BANP: variants seen among roughly 807,000 people sequenced by gnomAD.
The protein encoded by BANP is BTG3 associated nuclear protein.
Under a neutral mutation model 68.1 loss-of-function variants are expected in BANP, and 11 were observed. The ratio of observed to expected loss-of-function variants is 0.16; its 90% CI spans 0.10 to 0.27. BANP has a LOEUF of 0.27. BANP is among the 10% of genes least tolerant of loss of function. The probability of loss-of-function intolerance (pLI) is 1.00; values close to 1 mark genes in which losing one functional copy is unlikely to be tolerated. For missense variants in BANP, 504 were observed against 722.7 expected, an observed-to-expected ratio of 0.70 and a Z score of 3.47; for synonymous variants, 329 against 303.2, an observed-to-expected ratio of 1.09 and a Z score of -0.88.
intron 7 of BANP, among the ~76,000 whole-genome samples, chr16:88,021,738 A>T (rs1004054039): frequency 3.9e-5 from 6 of 152,198 alleles, no homozygotes; most frequent in Admixed American, 1.3e-4. Flanking sequence ...AATTGGCCGC[A>T]TTGCCCCACC....
chr16:87,972,421 GTTT>G (rs568476276), intron 1 of BANP, among the ~76,000 whole-genome samples: 1 of 147,790 alleles, frequency 6.8e-6, no homozygotes, highest in African/African-American at 2.5e-5. Flanking sequence ...TCAGGGTATA[GTTT>G]TTTTTTTCTT....
At position 87,981,240 on chromosome 16, in the gene BANP, G is replaced by T. The variant is rs922095951; in HGVS notation, c.162+113G>T. On this transcript the variant is annotated intron_variant, in intron 3 of 13. Transcript: ENST00000682872. ...AAAATGTAGCCTCTCAGCTGTGGAG[G>T]CCAGAGATCCAAAATCAAGATGCAG... 1.8e-5 allele frequency: 14 copies of T among 783,820 alleles called. No individual in the cohort carries two copies. The African/African-American group carries it at 2.4e-4, about 14-fold the overall frequency. The allele number at this position is 783,820 out of a possible 1,614,324, so 48.6% of individuals were successfully genotyped here. A position where few individuals can be genotyped will look rare whatever the true frequency, so the allele number is the denominator to read the frequency against.
chr16:88,017,553 C>T (rs1423670988), intron 6 of BANP: 3 of 152,300 alleles, frequency 2.0e-5, no homozygotes, highest in Admixed American at 2.0e-4. Flanking sequence ...ATCCGTGGTT[C>T]AGAGAAGACT....
chr16:88,038,124 G>A, intron 11 of BANP, 113 bp downstream of exon 11: 3 of 918,896 alleles, frequency 3.3e-6, no homozygotes, highest in South Asian at 1.3e-5. Context: ...GTACATGTGG[G>A]CATTGCGCTG....
chr16:87,960,250 G>A (rs2058894965), intron 1 of BANP, among the ~76,000 whole-genome samples: 1 of 152,214 alleles, frequency 6.6e-6, no homozygotes, highest in Non-Finnish European at 1.5e-5. Context: ...GAGCTTGCTT[G>A]TGGGGCTCTT....
At chr16:87,956,734 TCCCGG>T (rs2058118924) in intron 1 of BANP, 1 of 152,020 alleles carries the variant, frequency 6.6e-6, no homozygotes, top group Non-Finnish European at 1.5e-5. Context: ...CCTCTGCACG[TCCCGG>T]TGGGCTCGCC....
intron 11 of BANP, among the ~76,000 whole-genome samples, chr16:88,061,628 C>T (rs1398979033): frequency 6.6e-6 from 1 of 151,990 alleles, no homozygotes; most frequent in African/African-American, 2.4e-5. Context: ...TTGGGGGCAT[C>T]ACTGGGATGA....
In BANP at chr16:88,018,404, G is replaced by A; in HGVS notation, c.656-24G>A. On this transcript the variant is annotated intron_variant, in intron 6 of 13. Transcript: ENST00000682872. This position sits in a 1 kb window ranked among gnomAD's most constrained non-coding sequence, Gnocchi z 7.7. ...GAGCTTATTTGAGCCTTGGCCATCT[G>A]AGGACCTGTCTTCTGTTTTTCAGAG... The A allele has an allele frequency of 3.1e-6, 5 of 1,600,838 alleles. No individual in the cohort carries two copies. The highest frequency in any genetic ancestry group is 4.3e-6 in the Non-Finnish European group (5 of 1,172,338).
At chr16:87,990,599 C>T (rs2065662892) in intron 4 of BANP, among the ~76,000 whole-genome samples, 1 of 152,118 alleles carries the variant, frequency 6.6e-6, no homozygotes, top group African/African-American at 2.4e-5. Context: ...CAAGGGAGAG[C>T]TGCGTGAATT....
At chr16:88,041,625 T>C (rs897613080) in intron 11 of BANP, among the ~76,000 whole-genome samples, 1 of 152,200 alleles carries the variant, frequency 6.6e-6, no homozygotes, top group Non-Finnish European at 1.5e-5. Flanking sequence ...CTGTCTGCTC[T>C]GATACTGAGG....
chr16:88,052,820 T>G (rs2083585802), intron 11 of BANP, among the ~76,000 whole-genome samples: 1 of 148,746 alleles, frequency 6.7e-6, no homozygotes, highest in African/African-American at 2.5e-5. Context: ...ACTACCGCCT[T>G]CACCACTGTC....
chr16:87,995,030 A>G (rs2066813286), intron 4 of BANP, among the ~76,000 whole-genome samples: 1 of 86,592 alleles, frequency 1.2e-5, no homozygotes, highest in Non-Finnish European at 2.5e-5. Context: ...TGCTCACCTT[A>G]TGGCCTTGGG....
intron 11 of BANP, among the ~76,000 whole-genome samples, chr16:88,051,417 T>G (rs1223758507): frequency 1.3e-5 from 2 of 152,198 alleles, no homozygotes; most frequent in Non-Finnish European, 2.9e-5. Context: ...CAGCACACAT[T>G]GAGCTTGTAG....
At chr16:87,961,307 T>C (rs1214228060) in intron 1 of BANP, among the ~76,000 whole-genome samples, 4 of 152,158 alleles carry the variant, frequency 2.6e-5, no homozygotes, top group African/African-American at 7.2e-5. Flanking sequence ...TGCATCTCCT[T>C]GTAAGGCTGC....
At chr16:87,995,149 T>G (rs114254775) in intron 4 of BANP, among the ~76,000 whole-genome samples, 1,780 of 152,384 alleles carry the variant, frequency 0.012, 40 homozygotes, top group African/African-American at 0.041. Flanking sequence ...CAATGGAGTC[T>G]GGCCACAGGG....
chr16:87,987,798 C>T (rs1255386137), intron 4 of BANP, among the ~76,000 whole-genome samples: 3 of 145,324 alleles, frequency 2.1e-5, no homozygotes, highest in Non-Finnish European at 4.5e-5. Flanking sequence ...GGCAGTCTCA[C>T]TCTGTGATGC....
Position 88,076,765 on chromosome 16 carries a change from C to A in BANP, c.*104C>A. ...GGCACAGGCAGCGGCTGCACGTGTT[C>A]TGCTGAAGTGCGTCTGAAGGCCGCT... On this transcript the variant is annotated 3_prime_UTR_variant, in exon 14 of 14. Coordinates refer to ENST00000682872, the MANE Select transcript of BANP (RefSeq NM_001386991.1). 1 of 957,204 alleles carries A rather than the reference C, an allele frequency of 1.0e-6. No individual in the cohort carries two copies. Among genetic ancestry groups the A allele is most frequent in the Non-Finnish European group, 1.5e-6 (1 of 658,330 alleles). The allele number at this position is 957,204 out of a possible 1,614,324, so 59.3% of individuals were successfully genotyped here.
At position 88,004,833 on chromosome 16, in the gene BANP, AC is replaced by A. The variant is rs928611071; in HGVS notation, c.479+424del. Among the ~76,000 whole-genome samples, 4 of 151,910 alleles carry A rather than the reference AC, an allele frequency of 2.6e-5. No individual in the cohort carries two copies. The highest frequency in any genetic ancestry group is 5.9e-5 in the Non-Finnish European group (4 of 67,972). ...GTTGAGTTTATGACTTTTTTCTTAT[AC>A]CTTTTTCTCTTGAGACATTTTGAAT... On this transcript the variant is annotated intron_variant, in intron 5 of 13. Transcript: ENST00000682872. This position sits in a 1 kb window ranked among gnomAD's most constrained non-coding sequence, Gnocchi z 7.0.
chr16:88,070,560 G>C (rs1449287272), intron 12 of BANP, among the ~76,000 whole-genome samples: 1 of 152,164 alleles, frequency 6.6e-6, no homozygotes. Flanking sequence ...AGTCGTGGCT[G>C]GCAGGGTTGC....
Sources: allele counts gnomAD v4.1 joint callset (sites outside exome capture counted in the v4.1 genomes callset), GRCh38; gene constraint gnomAD v4.1.1; non-coding constraint Gnocchi (gnomAD v3.1); transcripts MANE v1.5; gene names NCBI Gene and HGNC (gene_info 2026-07-23, HGNC 2026-07-21).